Variants in GON4L observed in about 807,000 individuals in gnomAD.
GON4L encodes gon-4 like, also known as GON-4-like protein.
Under a neutral mutation model 211.8 loss-of-function variants are expected in GON4L, and 87 were observed. The observed-to-expected ratio is 0.41, with a 90% CI of 0.35 to 0.49. GON4L has a LOEUF of 0.49. Ranked by LOEUF, GON4L falls within the 20% of genes least tolerant of loss-of-function variation. The pLI is 0.15. For synonymous variants in GON4L, 875 were observed against 962.6 expected (o/e 0.91, Z 1.68); for missense variants, 2,155 against 2,659.5 (o/e 0.81, Z 4.17).
intron 12 of GON4L, among the ~76,000 whole-genome samples, chr1:155,785,822 A>G (rs1211604883): frequency 2.0e-5 from 3 of 152,104 alleles, no homozygotes; most frequent in Non-Finnish European, 4.4e-5. Flanking sequence ...TGAGGCCGGG[A>G]GCGGTGGCTC....
At chr1:155,848,399 G>A (rs931467267) in intron 2 of GON4L, among the ~76,000 whole-genome samples, 1 of 152,094 alleles carries the variant, frequency 6.6e-6, no homozygotes. Flanking sequence ...TGTGTCTATG[G>A]TGTACCCATT....
intron 2 of GON4L, among the ~76,000 whole-genome samples, chr1:155,837,658 G>A (rs1670434073): frequency 1.3e-5 from 2 of 151,666 alleles, no homozygotes; most frequent in African/African-American, 4.8e-5. Context: ...AAAGGGAAAG[G>A]TACCCCTCAT....
rs573820953 is a variant in GON4L at position 155,774,551 on chromosome 1, C to T, written c.2350+451G>A. Among the ~76,000 whole-genome samples the T allele has an allele frequency of 6.6e-5, 10 of 152,218 alleles. No homozygotes were observed. In the South Asian group the frequency reaches 8.3e-4, roughly 13 times the overall value. On this transcript the variant is annotated intron_variant, in intron 17 of 31. Transcript: ENST00000368331. ...CTCCATCTCCTGACATTGTGTTCCCCGTGCCTCGGCCTCCCAAAGTACTGG... is the reference window on the plus strand; with the variant it reads ...CTCCATCTCCTGACATTGTGTTCCCTGTGCCTCGGCCTCCCAAAGTACTGG...
chr1:155,795,915 G>A (rs539128826), intron 11 of GON4L, among the ~76,000 whole-genome samples: 96 of 152,252 alleles, frequency 6.3e-4, no homozygotes, highest in Admixed American at 6.2e-3. Flanking sequence ...TGAGATTACA[G>A]TGTGAGCCAT....
Position 155,783,864 on chromosome 1 carries a change from C to T in GON4L, c.1892+122G>A, listed in dbSNP as rs2101899959. 7.8e-6 allele frequency: 12 copies of T among 1,532,654 alleles called. 1 individual carries two copies. The South Asian group carries it at 1.4e-4, about 18-fold the overall frequency. The allele number at this position is 1,532,654 out of a possible 1,614,324, so 94.9% of individuals were successfully genotyped here. A position where few individuals can be genotyped will look rare whatever the true frequency, so the allele number is the denominator to read the frequency against. On this transcript the variant is annotated intron_variant, in intron 14 of 31. Coordinates refer to ENST00000368331, the MANE Select transcript of GON4L (RefSeq NM_001282860.2). ...ACACCTAACTCCTGACAGGGCTCTG[C>T]ATCCTTACATCAGTAACAGAAGCTG...
chr1:155,805,177 G>A (rs1266930034), intron 10 of GON4L, 36 bp from the exon 11 acceptor site: 2 of 1,418,094 alleles, frequency 1.4e-6, no homozygotes, highest in South Asian at 2.3e-5. Flanking sequence ...CTGAGTGAGT[G>A]ATGTTTCCAA....
chr1:155,822,218 G>A, intron 4 of GON4L, 68 bp downstream of exon 4: 1 of 1,327,212 alleles, frequency 7.5e-7, no homozygotes, highest in Non-Finnish European at 1.1e-6. Context: ...AGAATTTGCT[G>A]AACATTTTTA....
intron 2 of GON4L, among the ~76,000 whole-genome samples, chr1:155,838,103 C>CA (rs34713220): frequency 0.53 from 80,801 of 151,386 alleles, 23,723 homozygotes; most frequent in Middle Eastern, 0.69. Flanking sequence ...TAAAACAAAA[C>CA]AAAAAAAATT....
downstream of GON4L, chr1:155,749,283 C>T (rs184824038): frequency 6.0e-5 from 96 of 1,607,670 alleles, no homozygotes; most frequent in African/African-American, 1.1e-3. Context: ...GTTTGTTATT[C>T]ATGCTGCCAC....
intron 2 of GON4L, among the ~76,000 whole-genome samples, chr1:155,851,916 G>A (rs1216397732): frequency 6.6e-6 from 1 of 152,104 alleles, no homozygotes; most frequent in Non-Finnish European, 1.5e-5. Flanking sequence ...TGTAATCCCA[G>A]CACTTTGGGA....
At chr1:155,777,555 G>C in intron 15 of GON4L, 67 bp downstream of exon 15, 1 of 1,192,114 alleles carries the variant, frequency 8.4e-7, no homozygotes, top group Non-Finnish European at 1.3e-6. Flanking sequence ...CTCCAGGCTG[G>C]GAGACAGAGC....
chr1:155,813,068 G>A (rs1292695808), intron 10 of GON4L, among the ~76,000 whole-genome samples: 3 of 152,096 alleles, frequency 2.0e-5, no homozygotes, highest in Non-Finnish European at 2.9e-5. Flanking sequence ...GGGGGAATTT[G>A]GGTGAAGCTT....
Position 155,760,699 on chromosome 1 carries a change from A to C in GON4L, c.4912-58T>G, listed in dbSNP as rs189429962. The C allele has an allele frequency of 1.1e-3, 1,261 of 1,146,610 alleles. 3 individuals carry two copies. The highest frequency in any genetic ancestry group is 1.5e-3 in the Non-Finnish European group (1,113 of 756,386). The allele number at this position is 1,146,610 out of a possible 1,614,324, so 71.0% of individuals were successfully genotyped here. Reference sequence around the variant, plus strand: ...TTTATTTGGGCCACAACAAGCAATAAGGGTACAAGGGAGAAGGCAGGGTTA... The same window carrying C: ...TTTATTTGGGCCACAACAAGCAATACGGGTACAAGGGAGAAGGCAGGGTTA... On this transcript the variant is annotated intron_variant, in intron 23 of 31. Transcript: ENST00000368331.
At chr1:155,768,524 T>C (rs1181757751) in intron 19 of GON4L, among the ~76,000 whole-genome samples, 3 of 147,658 alleles carry the variant, frequency 2.0e-5, no homozygotes, top group African/African-American at 5.0e-5. Flanking sequence ...GGCAGGAGAA[T>C]GGCATGAACC....
intron 2 of GON4L, 147 bp from the exon 3 acceptor site, chr1:155,827,175 A>C: frequency 1.5e-6 from 1 of 685,046 alleles, no homozygotes; most frequent in South Asian, 1.7e-5. Context: ...TCTTAAATCA[A>C]AGCTCAGATC....
intron 14 of GON4L, among the ~76,000 whole-genome samples, chr1:155,782,358 T>A (rs1664504497): frequency 6.6e-6 from 1 of 152,340 alleles, no homozygotes; most frequent in South Asian, 2.1e-4. Flanking sequence ...TTACTGTACC[T>A]TTTCTATGTT....
chr1:155,802,945 G>A (rs1167008206), intron 11 of GON4L, among the ~76,000 whole-genome samples: 2 of 152,158 alleles, frequency 1.3e-5, no homozygotes, highest in East Asian at 1.9e-4. Flanking sequence ...GACAGAGTGA[G>A]ACCCTGTCTC....
At chr1:155,748,735 G>C (rs1402778390), downstream of GON4L, 1 of 1,614,148 alleles carries the variant, frequency 6.2e-7, no homozygotes, top group East Asian at 2.2e-5. Flanking sequence ...TCTGGAACAC[G>C]TTGCTTTGCC....
chr1:155,820,697 C>G (rs1417243379), intron 5 of GON4L, 41 bp from the exon 6 acceptor site: 2 of 1,467,238 alleles, frequency 1.4e-6, no homozygotes, highest in Admixed American at 1.7e-5. Flanking sequence ...CAATAAAAAT[C>G]ACAGCTCAGT....
Sources: allele counts gnomAD v4.1 joint callset (sites outside exome capture counted in the v4.1 genomes callset), GRCh38; gene constraint gnomAD v4.1.1; transcripts MANE v1.5; gene names NCBI Gene and HGNC (gene_info 2026-07-23, HGNC 2026-07-21).